Variants in PDZRN3 observed in about 807,000 individuals in gnomAD.
PDZRN3 encodes E3 ubiquitin-protein ligase PDZRN3.
In PDZRN3, 38 loss-of-function variants were observed where a neutral mutation model predicts 85.7. The observed-to-expected ratio is 0.44, with a 90% confidence interval of 0.34 to 0.58. The LOEUF is 0.58. Ranked by LOEUF, PDZRN3 falls within the 20% of genes least tolerant of loss-of-function variation. PDZRN3 has a pLI of 0.01. For missense variants in PDZRN3, 1,629 were observed against 1,506.4 expected (o/e 1.08, Z -1.35); for synonymous variants, 759 against 638.0 (o/e 1.19, Z -2.86).
intron 1 of PDZRN3, among the ~76,000 whole-genome samples, chr3:73,618,797 T>C (rs546840227): frequency 4.1e-4 from 62 of 152,258 alleles, no homozygotes; most frequent in Non-Finnish European, 8.8e-4. Context: ...AACATATTTG[T>C]AAAACAAATC....
chr3:73,585,511 C>G (rs529077384), intron 3 of PDZRN3, among the ~76,000 whole-genome samples: 4 of 152,312 alleles, frequency 2.6e-5, no homozygotes, highest in East Asian at 1.9e-4. Context: ...AGACCTTTCT[C>G]AAGGCCTTTG....
At chr3:73,487,579 G>A (rs371845169) in intron 3 of PDZRN3, among the ~76,000 whole-genome samples, 2 of 152,154 alleles carry the variant, frequency 1.3e-5, no homozygotes, top group South Asian at 4.1e-4. Flanking sequence ...TCGAAGCTCT[G>A]TTCTCCTGTG....
At chr3:73,596,955 T>C in intron 3 of PDZRN3, among the ~76,000 whole-genome samples, 1 of 152,148 alleles carries the variant, frequency 6.6e-6, no homozygotes, top group East Asian at 1.9e-4. Flanking sequence ...CACTGATGAA[T>C]TTAGTGATAA....
At chr3:73,554,781 G>T (rs1701652158) in intron 3 of PDZRN3, among the ~76,000 whole-genome samples, 1 of 152,196 alleles carries the variant, frequency 6.6e-6, no homozygotes, top group South Asian at 2.1e-4. Flanking sequence ...CGTAAAATGA[G>T]TTATGAGAAG....
intron 3 of PDZRN3, among the ~76,000 whole-genome samples, chr3:73,448,209 A>G (rs553364870): frequency 4.2e-4 from 64 of 152,340 alleles, no homozygotes; most frequent in Non-Finnish European, 8.1e-4. Context: ...CTTCTTTAGC[A>G]CATGCCATTG....
chr3:73,568,745 CATG>C (rs887089210), intron 3 of PDZRN3, among the ~76,000 whole-genome samples: 1 of 152,224 alleles, frequency 6.6e-6, no homozygotes, highest in African/African-American at 2.4e-5. Context: ...CCTTCTAATA[CATG>C]ATATTTGCTA....
intron 9 of PDZRN3, 127 bp from the exon 10 acceptor site, chr3:73,385,057 T>C: frequency 9.2e-7 from 1 of 1,088,602 alleles, no homozygotes; most frequent in Non-Finnish European, 1.3e-6. Flanking sequence ...GGACAGCATC[T>C]GACAGTAGGA....
chr3:73,560,825 A>G lies in PDZRN3; in HGVS notation c.918+41529T>C, dbSNP rs146930628. Among the ~76,000 whole-genome samples, 299 of 152,314 alleles carry G rather than the reference A, an allele frequency of 2.0e-3. 2 individuals carry two copies. The highest frequency in any genetic ancestry group is 6.9e-3 in the African/African-American group (286 of 41,580). Reference sequence around the variant, plus strand: ...CATTATTAGGAGTAAAAGATTTCTTAATGCAGAAAGCCCCCTAGGCTCCAG... The same window carrying G: ...CATTATTAGGAGTAAAAGATTTCTTGATGCAGAAAGCCCCCTAGGCTCCAG... On this transcript the variant is annotated intron_variant, in intron 3 of 9. Coordinates refer to ENST00000263666, the MANE Select transcript of PDZRN3 (RefSeq NM_015009.3).
intron 3 of PDZRN3, among the ~76,000 whole-genome samples, chr3:73,524,606 T>C (rs1331805763): frequency 1.3e-5 from 2 of 152,202 alleles, no homozygotes. Flanking sequence ...TCTTGCTGCT[T>C]TGATGTGAGA....
intron 3 of PDZRN3, among the ~76,000 whole-genome samples, chr3:73,480,060 C>G (rs565323297): frequency 6.6e-6 from 1 of 152,142 alleles, no homozygotes; most frequent in Non-Finnish European, 1.5e-5. Flanking sequence ...AAGCCACCAT[C>G]CTTGGGGTAG....
chr3:73,438,638 C>T (rs779925438), intron 3 of PDZRN3, among the ~76,000 whole-genome samples: 1 of 152,222 alleles, frequency 6.6e-6, no homozygotes, highest in South Asian at 2.1e-4. Flanking sequence ...CAGACCTGCC[C>T]GCTGGCTCTT....
chr3:73,384,575 A>C lies in PDZRN3; in HGVS notation c.1991T>G (p.Leu664Arg). 1 of 1,613,684 alleles carries C rather than the reference A, an allele frequency of 6.2e-7. No individual in the cohort carries two copies. The highest frequency in any genetic ancestry group is 8.5e-7 in the Non-Finnish European group (1 of 1,180,032). ...CQVKSATPYG[L>R]YYPSGPLDAG... Reference sequence around the variant, plus strand: ...GTCCAGGGGGCCGCTAGGGTAGTACAGGCCGTAAGGGGTGGCGCTCTTCAC... The same window carrying C: ...GTCCAGGGGGCCGCTAGGGTAGTACCGGCCGTAAGGGGTGGCGCTCTTCAC... Residue 664 changes from leucine (L) to arginine (R), a missense_variant, in exon 10 of 10, where the codon CTG becomes CGG. Physicochemically the swap from Leu to Arg is moderately radical, Grantham distance 102. Transcript: ENST00000263666.
intron 3 of PDZRN3, among the ~76,000 whole-genome samples, chr3:73,430,894 G>A (rs1187953589): frequency 1.3e-5 from 2 of 152,116 alleles, no homozygotes; most frequent in Non-Finnish European, 2.9e-5. Flanking sequence ...GTGCTTCTGA[G>A]TACTCAAAGG....
intron 3 of PDZRN3, among the ~76,000 whole-genome samples, chr3:73,591,424 C>T (rs1027970957): frequency 2.6e-5 from 4 of 152,094 alleles, no homozygotes; most frequent in Admixed American, 1.3e-4. Context: ...ATTTATATGG[C>T]CTTAGGAAGT....
In PDZRN3 at chr3:73,409,623, C is replaced by T. The variant is rs148105381; in HGVS notation, c.919-5228G>A. ...TATGGGTGGCGTTTTACCAAGACAT[C>T]GAGTGACTCAGAGACTACACACGAT... On this transcript the variant is annotated intron_variant, in intron 3 of 9. Transcript: ENST00000263666. Among the ~76,000 whole-genome samples, 17 of 152,138 alleles carry T rather than the reference C, an allele frequency of 1.1e-4. 1 individual carries two copies. In the East Asian group the frequency reaches 1.4e-3, roughly 12 times the overall value.
intron 3 of PDZRN3, among the ~76,000 whole-genome samples, chr3:73,536,551 G>GC: frequency 6.6e-6 from 1 of 152,322 alleles, no homozygotes; most frequent in African/African-American, 2.4e-5. Context: ...TGAAACCTCT[G>GC]CCCCTTCCCA....
At chr3:73,568,752 T>C (rs2106846887) in intron 3 of PDZRN3, among the ~76,000 whole-genome samples, 1 of 152,246 alleles carries the variant, frequency 6.6e-6, no homozygotes, top group African/African-American at 2.4e-5. Context: ...ATACATGATA[T>C]TTGCTACATG....
At chr3:73,595,057 T>C (rs773010417) in intron 3 of PDZRN3, among the ~76,000 whole-genome samples, 1 of 152,156 alleles carries the variant, frequency 6.6e-6, no homozygotes, top group Non-Finnish European at 1.5e-5. Flanking sequence ...TCCAGGAATG[T>C]CCTCAGAATT....
intron 3 of PDZRN3, among the ~76,000 whole-genome samples, chr3:73,447,620 G>T (rs1363966283): frequency 6.6e-6 from 1 of 152,154 alleles, no homozygotes; most frequent in Non-Finnish European, 1.5e-5. Context: ...AGAGCTTGTT[G>T]TAAGTCCTCC....
Sources: allele counts gnomAD v4.1 joint callset (sites outside exome capture counted in the v4.1 genomes callset), GRCh38; gene constraint gnomAD v4.1.1; transcripts MANE v1.5; gene names NCBI Gene and HGNC (gene_info 2026-07-23, HGNC 2026-07-21).